CC2D2A: variants seen among roughly 807,000 people sequenced by gnomAD.
CC2D2A encodes coiled-coil and C2 domain containing 2A, also known as coiled-coil and C2 domain-containing protein 2A.
A neutral mutation model predicts 212.9 loss-of-function variants in CC2D2A; 155 were observed. That is an observed-to-expected ratio of 0.73 (90% CI 0.64 to 0.83). CC2D2A has a LOEUF of 0.83. CC2D2A is among the 40% of genes least tolerant of loss of function. The pLI is 0.00. For missense variants in CC2D2A, 1,856 were observed against 1,956.2 expected, an observed-to-expected ratio of 0.95 and a Z score of 0.97; for synonymous variants, 667 against 686.5, an observed-to-expected ratio of 0.97 and a Z score of 0.44.
chr4:15,471,267 A>G (rs1428222604), intron 1 of CC2D2A, among the ~76,000 whole-genome samples: 2 of 152,170 alleles, frequency 1.3e-5, no homozygotes, highest in Non-Finnish European at 2.9e-5. Flanking sequence ...GTAGAAGTGC[A>G]GGAGGTTTCA....
intron 4 of CC2D2A, among the ~76,000 whole-genome samples, chr4:15,490,676 G>T (rs746106977): frequency 2.0e-5 from 3 of 152,070 alleles, no homozygotes; most frequent in Non-Finnish European, 2.9e-5. Flanking sequence ...GTGGTAGTAA[G>T]GGAGAAGACT....
chr4:15,519,877 G>A (rs758239281), intron 11 of CC2D2A: 26 of 279,476 alleles, frequency 9.3e-5, no homozygotes, highest in African/African-American at 5.3e-4. Context: ...TGAGTTTTGG[G>A]TGGGGACACA....
At chr4:15,506,457 T>A (rs1407986031) in intron 6 of CC2D2A, among the ~76,000 whole-genome samples, 1 of 152,182 alleles carries the variant, frequency 6.6e-6, no homozygotes, top group Non-Finnish European at 1.5e-5. Flanking sequence ...ACCTAATTAT[T>A]TTCTAGATTA....
At chr4:15,498,057 T>C (rs1249518658) in intron 4 of CC2D2A, among the ~76,000 whole-genome samples, 1 of 151,902 alleles carries the variant, frequency 6.6e-6, no homozygotes, top group Non-Finnish European at 1.5e-5. Flanking sequence ...AAATGGAGAG[T>C]GTCCACTATT....
chr4:15,512,675 A>G (rs1419365022), intron 8 of CC2D2A, among the ~76,000 whole-genome samples: 1 of 152,088 alleles, frequency 6.6e-6, no homozygotes, highest in East Asian at 1.9e-4. Context: ...AATGGTTAAA[A>G]TGGGCCGGGT....
intron 27 of CC2D2A, 82 bp downstream of exon 27, chr4:15,569,471 C>T (rs1720057411): frequency 1.3e-6 from 1 of 785,774 alleles, no homozygotes. Context: ...CACATTGTTA[C>T]CAGAAAGGGG....
intron 4 of CC2D2A, among the ~76,000 whole-genome samples, chr4:15,493,229 C>G (rs1373931797): frequency 6.7e-6 from 1 of 150,276 alleles, no homozygotes; most frequent in Non-Finnish European, 1.5e-5. Flanking sequence ...GAGGCCCTTA[C>G]CTGGCCACTT....
chr4:15,531,337 A>T (rs1175744912), intron 13 of CC2D2A, among the ~76,000 whole-genome samples: 2 of 150,948 alleles, frequency 1.3e-5, no homozygotes, highest in Non-Finnish European at 3.0e-5. Context: ...TCCACACACC[A>T]CCCTCTCCTG....
intron 23 of CC2D2A, chr4:15,561,732 C>T (rs1001576382): frequency 2.0e-5 from 3 of 152,152 alleles, no homozygotes; most frequent in African/African-American, 7.2e-5. Flanking sequence ...GGAGGACTTA[C>T]CTCCAGGGGA....
rs776829032 is a variant in CC2D2A, at chr4:15,511,435, C to T, written c.717+12C>T. 5.9e-6 allele frequency: 9 copies of T among 1,522,802 alleles called. No homozygotes were observed. The highest frequency in any genetic ancestry group is 7.9e-6 in the Non-Finnish European group (9 of 1,144,236). 94.3% of individuals were successfully genotyped at this position (1,522,802 alleles called of 1,614,324 possible). On this transcript the variant is annotated intron_variant, in intron 8 of 36. Coordinates refer to ENST00000424120, the MANE Select transcript of CC2D2A (RefSeq NM_001378615.1). ...GAGGAAAGGAAATGGTATTTAATATCAGGATGGTAATGAGGTGTGGGTGGA... is the reference window on the plus strand; with the variant it reads ...GAGGAAAGGAAATGGTATTTAATATTAGGATGGTAATGAGGTGTGGGTGGA...
chr4:15,571,825 A>G (rs978315680), intron 28 of CC2D2A, among the ~76,000 whole-genome samples: 1 of 152,200 alleles, frequency 6.6e-6, no homozygotes, highest in African/African-American at 2.4e-5. Context: ...ACTGCCTGTG[A>G]TAGTTGTTTG....
chr4:15,496,325 G>A (rs1248145562), intron 4 of CC2D2A, among the ~76,000 whole-genome samples: 3 of 152,112 alleles, frequency 2.0e-5, no homozygotes, highest in African/African-American at 4.8e-5. Flanking sequence ...GTCCAGAATG[G>A]TATTTCCTAG....
At chr4:15,472,814 C>G (rs796801301) in intron 1 of CC2D2A, among the ~76,000 whole-genome samples, 10 of 151,776 alleles carry the variant, frequency 6.6e-5, no homozygotes, top group Non-Finnish European at 1.3e-4. Context: ...TTTTTTGTAC[C>G]CTGTGATGAG....
Position 15,570,420 on chromosome 4 carries a change from G to A in CC2D2A, c.3518G>A (p.Gly1173Glu). Residue 1173 changes from glycine to glutamate, a missense_variant, in exon 28 of 37, where the codon GGA becomes GAA. Transcript: ENST00000424120. The part of the protein sequence containing the change: ...VLEDDRERGS[G>E]IHTRIERHWL... The stretch of plus-strand genomic sequence containing the variant: ...TAGGATGACCGTGAAAGAGGAAGTG[G>A]AATCCATACTCGTATTGAGAGACAC... The A allele has an allele frequency of 6.2e-7, 1 of 1,603,714 alleles. No individual in the cohort carries two copies. Among genetic ancestry groups the A allele is most frequent in the Non-Finnish European group, 8.5e-7 (1 of 1,173,156 alleles).
At chr4:15,476,026 T>C in intron 2 of CC2D2A, 55 bp downstream of exon 2, 2 of 1,477,946 alleles carry the variant, frequency 1.4e-6, no homozygotes, top group Non-Finnish European at 1.9e-6. Flanking sequence ...CATGCTTATG[T>C]TACACGTGTT....
At chr4:15,526,529 C>T (rs1335832387) in intron 11 of CC2D2A, among the ~76,000 whole-genome samples, 2 of 152,160 alleles carry the variant, frequency 1.3e-5, no homozygotes, top group African/African-American at 4.8e-5. Flanking sequence ...AGAATTTTTA[C>T]ACTTTTCCTT....
chr4:15,555,324 G>A, intron 20 of CC2D2A, 114 bp downstream of exon 20: 1 of 1,320,352 alleles, frequency 7.6e-7, no homozygotes, highest in Non-Finnish European at 1.0e-6. Context: ...TGGGTTGAAT[G>A]CCAAGTTTGA....
Position 15,549,282 on chromosome 4 carries a change from T to C in CC2D2A, c.2182-1542T>C, listed in dbSNP as rs376174910. The stretch of plus-strand genomic sequence containing the variant: ...ATATTGCCTTTTTAACTGATAAAGA[T>C]GAATTTAGAGAGTGTGTTTTAAGTG... On this transcript the variant is annotated intron_variant, in intron 17 of 36. Transcript: ENST00000424120. Among the ~76,000 whole-genome samples the C allele has an allele frequency of 3.3e-5, 5 of 152,330 alleles. No homozygotes were observed. In the East Asian group the frequency reaches 9.7e-4, roughly 29 times the overall value.
chr4:15,524,612 G>A (rs1019326085), intron 11 of CC2D2A, among the ~76,000 whole-genome samples: 15 of 151,514 alleles, frequency 9.9e-5, no homozygotes, highest in Admixed American at 1.3e-4. Context: ...CACCACGCTC[G>A]GCTAATTTTT....
Sources: gnomAD v4.1 joint callset for allele counts (sites outside exome capture counted in the v4.1 genomes callset) on GRCh38, gnomAD v4.1.1 for gene constraint, MANE v1.5 for transcripts, NCBI Gene and HGNC (gene_info 2026-07-23, HGNC 2026-07-21) for gene names.